The following CDYL2 variants were observed in gnomAD, a reference collection of about 807,000 sequenced individuals.
CDYL2 encodes the protein chromodomain Y-like protein 2.
A neutral mutation model predicts 49.4 loss-of-function variants in CDYL2; 23 were observed. The observed-to-expected ratio is 0.47, with a 90% CI of 0.34 to 0.66. The LOEUF (loss-of-function observed/expected upper bound fraction) is 0.66. Among genes scored for constraint, CDYL2 ranks in the 30% least tolerant of loss-of-function variants. The pLI is 0.01. For synonymous variants in CDYL2, 360 were observed against 268.8 expected, an observed-to-expected ratio of 1.34 and a Z score of -3.32; for missense variants, 678 against 656.4, an observed-to-expected ratio of 1.03 and a Z score of -0.36.
intron 3 of CDYL2, among the ~76,000 whole-genome samples, chr16:80,631,086 C>G (rs1036870356): frequency 6.6e-6 from 1 of 152,176 alleles, no homozygotes. Flanking sequence ...CTGGGATGAA[C>G]AGAAGAGACA....
At chr16:80,789,920 G>C (rs550823394) in intron 1 of CDYL2, among the ~76,000 whole-genome samples, 2 of 152,144 alleles carry the variant, frequency 1.3e-5, no homozygotes, top group African/African-American at 4.8e-5. Flanking sequence ...AAGGAAAGAA[G>C]ATGTGAGGGG....
In CDYL2 at chr16:80,655,608, T is replaced by C. The variant is rs1908772403; in HGVS notation, c.617-22372A>G. Among the ~76,000 whole-genome samples the C allele has an allele frequency of 2.6e-5, 4 of 152,022 alleles. No individual in the cohort carries two copies. The East Asian group carries it at 7.7e-4, about 29-fold the overall frequency. ...AGGGCCCTGAGGCCATCTTACCAAATAAGCCATGAAACTAGCAGAGGCAAA... is the reference window on the plus strand; with the variant it reads ...AGGGCCCTGAGGCCATCTTACCAAACAAGCCATGAAACTAGCAGAGGCAAA... On this transcript the variant is annotated intron_variant, in intron 2 of 6. Transcript: ENST00000570137.
chr16:80,712,187 G>GTATATATATATATATA (rs1464649825), intron 1 of CDYL2, among the ~76,000 whole-genome samples: 2,544 of 37,216 alleles, frequency 0.068, 122 homozygotes, highest in South Asian at 0.13. Flanking sequence ...TTGTGTCTGT[G>GTATATATATATATATA]TGTGTATATA....
intron 6 of CDYL2, among the ~76,000 whole-genome samples, chr16:80,607,836 C>T (rs757690448): frequency 2.0e-5 from 3 of 152,178 alleles, no homozygotes; most frequent in Admixed American, 6.5e-5. Flanking sequence ...AAAGCAGTGA[C>T]GCTACCCTAG....
At chr16:80,672,095 G>A (rs1247017494) in intron 2 of CDYL2, among the ~76,000 whole-genome samples, 12 of 152,114 alleles carry the variant, frequency 7.9e-5, no homozygotes, top group Admixed American at 2.6e-4. Flanking sequence ...GCTCCAATGA[G>A]CATTTCCTTT....
At chr16:80,735,276 A>G (rs1567589436) in intron 1 of CDYL2, 1 of 152,256 alleles carries the variant, frequency 6.6e-6, no homozygotes, top group Non-Finnish European at 1.5e-5. Flanking sequence ...AAGAAAATTC[A>G]TATTGTCTCT....
In CDYL2 at chr16:80,797,480, T is replaced by C. The variant is rs75479576; in HGVS notation, c.24+6670A>G. Among the ~76,000 whole-genome samples the C allele has an allele frequency of 7.4e-3, 1,133 of 152,286 alleles. 15 individuals are homozygous for C. The highest frequency in any genetic ancestry group is 0.026 in the African/African-American group (1,086 of 41,542). On this transcript the variant is annotated intron_variant, in intron 1 of 6. Transcript: ENST00000570137. ...GACCACATAACTATCTTCAGGCCAG[T>C]AGAAGAAAGCAGGATTGTATGGAAC... is the stretch of plus-strand genomic sequence containing the variant.
chr16:80,751,416 G>A (rs944145253), intron 1 of CDYL2, among the ~76,000 whole-genome samples: 2 of 152,182 alleles, frequency 1.3e-5, no homozygotes, highest in African/African-American at 2.4e-5. Flanking sequence ...CAGTATAGGG[G>A]TAGATGCTGA....
At chr16:80,646,408 T>C (rs1387780289) in intron 2 of CDYL2, among the ~76,000 whole-genome samples, 3 of 152,018 alleles carry the variant, frequency 2.0e-5, no homozygotes, top group Non-Finnish European at 4.4e-5. Flanking sequence ...AATAACAAAA[T>C]GGCAGGAGAA....
chr16:80,797,621 C>A (rs987798687), intron 1 of CDYL2, among the ~76,000 whole-genome samples: 1 of 152,134 alleles, frequency 6.6e-6, no homozygotes, highest in Non-Finnish European at 1.5e-5. Flanking sequence ...TATCAATCAA[C>A]CCTGGTACTG....
At chr16:80,609,489 C>T (rs982860572) in intron 5 of CDYL2, among the ~76,000 whole-genome samples, 14 of 152,258 alleles carry the variant, frequency 9.2e-5, no homozygotes, top group South Asian at 6.2e-4. Flanking sequence ...TCTTTTATGT[C>T]GATAATAAGT....
At chr16:80,765,411 A>T (rs1318513387) in intron 1 of CDYL2, among the ~76,000 whole-genome samples, 4 of 151,794 alleles carry the variant, frequency 2.6e-5, no homozygotes, top group African/African-American at 9.7e-5. Flanking sequence ...AGCAGATTTG[A>T]CATGGATCTG....
At chr16:80,614,869 GAAAAAAAAA>G (rs57112645) in intron 4 of CDYL2, among the ~76,000 whole-genome samples, 3 of 71,346 alleles carry the variant, frequency 4.2e-5, no homozygotes, top group African/African-American at 1.2e-4. Flanking sequence ...GTCTCAGGGA[GAAAAAAAAA>G]AAAAAAAAAA....
intron 2 of CDYL2, among the ~76,000 whole-genome samples, chr16:80,664,852 C>T (rs576553457): frequency 2.0e-5 from 3 of 152,142 alleles, no homozygotes; most frequent in Admixed American, 6.5e-5. Context: ...TAATGACCCT[C>T]CCTGCTAGGA....
intron 2 of CDYL2, among the ~76,000 whole-genome samples, chr16:80,660,337 A>T (rs79080985): frequency 2.3e-4 from 35 of 152,016 alleles, no homozygotes; most frequent in Admixed American, 6.6e-4. Context: ...GATGTGGAAG[A>T]GACATGTTCA....
At chr16:80,773,497 C>A (rs558357006) in intron 1 of CDYL2, among the ~76,000 whole-genome samples, 1 of 152,134 alleles carries the variant, frequency 6.6e-6, no homozygotes, top group South Asian at 2.1e-4. Flanking sequence ...ACCTAAAACA[C>A]ACATAGAATG....
chr16:80,804,568 G>GA lies in CDYL2; in HGVS notation c.-396_-395insT, dbSNP rs1908042013. Among the ~76,000 whole-genome samples the GA allele has an allele frequency of 6.9e-6, 1 of 144,864 alleles. No individual in the cohort carries two copies. The highest frequency in any genetic ancestry group is 1.5e-5 in the Non-Finnish European group (1 of 65,210). ...CGCCGCCTGCAGGAAGCCGCCCGGCGCCCGCCGCCGGCCCGGACGCTGCTG... is the reference window on the plus strand; with the variant it reads ...CGCCGCCTGCAGGAAGCCGCCCGGCGACCCGCCGCCGGCCCGGACGCTGCTG... On this transcript the variant is annotated 5_prime_UTR_variant, in exon 1 of 7. Coordinates refer to ENST00000570137, the MANE Select transcript of CDYL2 (RefSeq NM_152342.4).
At chr16:80,755,447 AC>A (rs1424099287) in intron 1 of CDYL2, among the ~76,000 whole-genome samples, 3 of 152,170 alleles carry the variant, frequency 2.0e-5, no homozygotes, top group Admixed American at 2.0e-4. Context: ...CCTGTGGAAA[AC>A]AACTCTGAAT....
At chr16:80,753,367 G>C (rs555074815) in intron 1 of CDYL2, among the ~76,000 whole-genome samples, 3 of 152,260 alleles carry the variant, frequency 2.0e-5, no homozygotes, top group South Asian at 2.1e-4. Flanking sequence ...CCAGCATTTT[G>C]GTAGGGCGAG....
Sources: gnomAD v4.1 joint callset for allele counts (sites outside exome capture counted in the v4.1 genomes callset) on GRCh38, gnomAD v4.1.1 for gene constraint, MANE v1.5 for transcripts, NCBI Gene and HGNC (gene_info 2026-07-23, HGNC 2026-07-21) for gene names.